Variants in RALGPS2 observed in about 807,000 individuals in gnomAD.
The protein encoded by RALGPS2 is Ral GEF with PH domain and SH3 binding motif 2.
In RALGPS2, 43 loss-of-function variants were observed where a neutral mutation model predicts 86.8. The observed-to-expected ratio is 0.50, with a 90% confidence interval of 0.39 to 0.64. RALGPS2 has a LOEUF of 0.64. Ranked by LOEUF, RALGPS2 falls within the 30% of genes least tolerant of loss-of-function variation. RALGPS2 has a pLI of 0.00. For synonymous variants in RALGPS2, 243 were observed against 231.3 expected (o/e 1.05, Z -0.46); for missense variants, 536 against 694.6 (o/e 0.77, Z 2.57).
chr1:178,895,369 C>G (rs950732166), intron 16 of RALGPS2, among the ~76,000 whole-genome samples: 10 of 152,120 alleles, frequency 6.6e-5, no homozygotes, highest in African/African-American at 2.4e-4. Flanking sequence ...CATTACCATA[C>G]CTTTTGTGTG....
intron 5 of RALGPS2, among the ~76,000 whole-genome samples, chr1:178,809,515 C>G (rs1654880527): frequency 6.6e-6 from 1 of 151,594 alleles, no homozygotes; most frequent in Non-Finnish European, 1.5e-5. Flanking sequence ...TCTTCCAATT[C>G]AGAAATACAT....
chr1:178,752,178 C>T (rs1432154044), intron 1 of RALGPS2, among the ~76,000 whole-genome samples: 1 of 151,024 alleles, frequency 6.6e-6, no homozygotes, highest in African/African-American at 2.4e-5. Context: ...CTCTGTTGCC[C>T]AGGCTAGTGT....
At chr1:178,849,048 T>TA (rs1408507360) in intron 8 of RALGPS2, among the ~76,000 whole-genome samples, 1 of 152,228 alleles carries the variant, frequency 6.6e-6, no homozygotes, top group Admixed American at 6.5e-5. Flanking sequence ...TCTGAGTACT[T>TA]ACGAATGTCA....
rs756932174 is a variant in RALGPS2 at position 178,889,600 on chromosome 1, G to A, written c.1193-42G>A. Reference sequence around the variant, plus strand: ...ACATTGTGAAATGCAAACTAGAGAGGTAATTCTGATGTTTAAAAAATAGGA... The same window carrying A: ...ACATTGTGAAATGCAAACTAGAGAGATAATTCTGATGTTTAAAAAATAGGA... On this transcript the variant is annotated intron_variant, in intron 13 of 19. Transcript: ENST00000367635. 4 of 1,306,028 alleles carry A rather than the reference G, an allele frequency of 3.1e-6. No individual in the cohort carries two copies. The Admixed American group carries it at 7.1e-5, about 23-fold the overall frequency. 80.9% of individuals were successfully genotyped at this position (1,306,028 alleles called of 1,614,324 possible). A position where few individuals can be genotyped will look rare whatever the true frequency, so the allele number is the denominator to read the frequency against.
intron 4 of RALGPS2, among the ~76,000 whole-genome samples, chr1:178,788,827 TG>T (rs572499668): frequency 4.8e-4 from 65 of 135,142 alleles, no homozygotes; most frequent in South Asian, 1.4e-3. Flanking sequence ...TCTTTTCTTT[TG>T]TTTTCTTTCT....
At position 178,893,993 on chromosome 1, in the gene RALGPS2, A is replaced by C; in HGVS notation, c.1400A>C (p.Lys467Thr). 6.2e-7 allele frequency: 1 copy of C among 1,605,502 alleles called. No individual in the cohort carries two copies. Among genetic ancestry groups the C allele is most frequent in the Non-Finnish European group, 8.5e-7 (1 of 1,174,450 alleles). The part of the protein sequence containing the change: ...AVTIQGVLRR[K>T]TLLKEGKKPT... ...ACTATTCAAGGTGTTCTCAGGAGAA[A>C]AACTTTGTTAAAAGAAGGCAAAAAG... The change falls in exon 16 of 20, where the codon AAA becomes ACA. Residue 467 changes from lysine to threonine, a missense_variant. Coordinates refer to ENST00000367635, the MANE Select transcript of RALGPS2 (RefSeq NM_152663.5).
intron 12 of RALGPS2, chr1:178,885,579 T>G (rs1659446801): frequency 5.2e-6 from 1 of 190,588 alleles, no homozygotes. Flanking sequence ...TAAAAATTAT[T>G]TTCTTTATTC....
intron 14 of RALGPS2, among the ~76,000 whole-genome samples, chr1:178,890,984 T>C (rs555060920): frequency 1.1e-3 from 174 of 152,180 alleles, no homozygotes; most frequent in Non-Finnish European, 2.1e-3. Context: ...AAGTTGATTA[T>C]AGAGTGTACT....
intron 8 of RALGPS2, chr1:178,853,001 G>A (rs1186998879): frequency 6.5e-7 from 1 of 1,548,188 alleles, no homozygotes; most frequent in East Asian, 2.3e-5. Context: ...TATAGAGATA[G>A]TAAACATTTT....
At chr1:178,832,202 G>T (rs1004392770) in intron 7 of RALGPS2, among the ~76,000 whole-genome samples, 2 of 152,080 alleles carry the variant, frequency 1.3e-5, no homozygotes, top group Non-Finnish European at 2.9e-5. Context: ...TTGTAAAACC[G>T]CTGTTTTAGA....
chr1:178,737,035 T>G (rs1295293015), intron 1 of RALGPS2, among the ~76,000 whole-genome samples: 1 of 152,238 alleles, frequency 6.6e-6, no homozygotes, highest in Non-Finnish European at 1.5e-5. Context: ...TCTTTGTCTC[T>G]TGTTTTACTT....
chr1:178,921,687 G>T lies in RALGPS2; in HGVS notation c.*5328G>T, dbSNP rs562742415. 3.9e-5 allele frequency: 6 copies of T among 152,026 alleles called. No individual in the cohort carries two copies. The highest frequency in any genetic ancestry group is 7.4e-5 in the Non-Finnish European group (5 of 67,936). The allele number at this position is 152,026 out of a possible 1,614,324, so 9.4% of individuals were successfully genotyped here. A position where few individuals can be genotyped will look rare whatever the true frequency, so the allele number is the denominator to read the frequency against. On this transcript the variant is annotated 3_prime_UTR_variant, in exon 20 of 20. Coordinates refer to ENST00000367635, the MANE Select transcript of RALGPS2 (RefSeq NM_152663.5). The stretch of plus-strand genomic sequence containing the variant: ...CTCGATTGCACTATGACCTCCTTGA[G>T]TGATGTGCAGCTTGGTTCCTCTCTC...
At chr1:178,899,954 C>A (rs747516040) in intron 17 of RALGPS2, among the ~76,000 whole-genome samples, 1 of 151,846 alleles carries the variant, frequency 6.6e-6, no homozygotes, top group South Asian at 2.1e-4. Flanking sequence ...GTTGTCTCTT[C>A]AATTTCTTAG....
intron 8 of RALGPS2, chr1:178,865,238 G>A: frequency 6.2e-7 from 1 of 1,614,124 alleles, no homozygotes. Context: ...AGTCAAGGAA[G>A]CGTATTTCAC....
At chr1:178,740,050 C>A (rs963049953) in intron 1 of RALGPS2, among the ~76,000 whole-genome samples, 1 of 152,178 alleles carries the variant, frequency 6.6e-6, no homozygotes, top group African/African-American at 2.4e-5. Flanking sequence ...TGGAGTATGG[C>A]AACCTTTGAC....
At chr1:178,870,563 C>A (rs1248919657) in intron 8 of RALGPS2, among the ~76,000 whole-genome samples, 1 of 152,112 alleles carries the variant, frequency 6.6e-6, no homozygotes, top group African/African-American at 2.4e-5. Context: ...TTAACCATTG[C>A]ACAGTACTTA....
At chr1:178,844,879 G>A (rs987611956) in intron 8 of RALGPS2, among the ~76,000 whole-genome samples, 2 of 151,948 alleles carry the variant, frequency 1.3e-5, no homozygotes, top group African/African-American at 2.4e-5. Context: ...GCAGTAGCTC[G>A]ACCAAGAAAG....
At chr1:178,888,292 G>A (rs1244434828) in intron 13 of RALGPS2, among the ~76,000 whole-genome samples, 1 of 152,056 alleles carries the variant, frequency 6.6e-6, no homozygotes, top group African/African-American at 2.4e-5. Flanking sequence ...AAAAGAATAA[G>A]TCTATTACCA....
chr1:178,906,013 ATAGC>A lies in RALGPS2; in HGVS notation c.1631-759_1631-756del, dbSNP rs774170608. Among the ~76,000 whole-genome samples, 118 of 152,340 alleles carry A rather than the reference ATAGC, an allele frequency of 7.7e-4. 1 individual carries two copies. The highest frequency in any genetic ancestry group is 1.4e-3 in the Non-Finnish European group (96 of 68,020). On this transcript the variant is annotated intron_variant, in intron 18 of 19. Transcript: ENST00000367635. ...TATGACTAATCCTTAATTATACTGA[ATAGC>A]TAGTGTTTAAGTATTAAACATATTG...
Sources: allele counts gnomAD v4.1 joint callset (sites outside exome capture counted in the v4.1 genomes callset), GRCh38; gene constraint gnomAD v4.1.1; transcripts MANE v1.5; gene names NCBI Gene and HGNC (gene_info 2026-07-23, HGNC 2026-07-21).